Variants in AFAP1 observed in about 807,000 individuals in gnomAD.
The protein encoded by AFAP1 is actin filament-associated protein 1.
Under a neutral mutation model 93.9 loss-of-function variants are expected in AFAP1, and 75 were observed. That is an observed-to-expected ratio of 0.80 (90% CI 0.66 to 0.97). AFAP1 has a LOEUF of 0.97. Among genes scored for constraint, AFAP1 ranks in the 50% least tolerant of loss-of-function variants. The probability of loss-of-function intolerance (pLI) is 0.00; values close to 1 mark genes in which losing one functional copy is unlikely to be tolerated. For missense variants in AFAP1, 1,201 were observed against 1,050.8 expected, an observed-to-expected ratio of 1.14 and a Z score of -1.98; for synonymous variants, 517 against 430.7, an observed-to-expected ratio of 1.20 and a Z score of -2.48.
intron 17 of AFAP1, among the ~76,000 whole-genome samples, chr4:7,765,666 G>A (rs1281444255): frequency 6.6e-6 from 1 of 152,246 alleles, no homozygotes; most frequent in Non-Finnish European, 1.5e-5. Context: ...CCAGGTCAGA[G>A]CAGCGGCAGA....
At chr4:7,918,925 G>T (rs57082038) in intron 1 of AFAP1, among the ~76,000 whole-genome samples, 1 of 71,906 alleles carries the variant, frequency 1.4e-5, no homozygotes. Flanking sequence ...CAGGGCTGCC[G>T]GATGAGACAC....
chr4:7,906,162 G>A (rs1404186338), intron 1 of AFAP1, among the ~76,000 whole-genome samples: 1 of 152,118 alleles, frequency 6.6e-6, no homozygotes, highest in Admixed American at 6.5e-5. Flanking sequence ...GTGACCTATC[G>A]AGAAAGAAAC....
At chr4:7,813,672 G>A (rs1305193978) in intron 8 of AFAP1, among the ~76,000 whole-genome samples, 2 of 152,192 alleles carry the variant, frequency 1.3e-5, no homozygotes, top group Admixed American at 6.5e-5. Flanking sequence ...CATAATGTGT[G>A]CCCTGTGGAA....
chr4:7,935,862 C>G (rs571358293), intron 1 of AFAP1, among the ~76,000 whole-genome samples: 1 of 152,278 alleles, frequency 6.6e-6, no homozygotes, highest in African/African-American at 2.4e-5. Flanking sequence ...GCATCCCCTC[C>G]CTTTCATTTA....
intron 1 of AFAP1, among the ~76,000 whole-genome samples, chr4:7,933,461 T>C (rs940726374): frequency 6.6e-6 from 1 of 152,094 alleles, no homozygotes; most frequent in Admixed American, 6.6e-5. Context: ...TAATCCCAGC[T>C]ACTCAGGAGG....
At chr4:7,934,278 C>T (rs1232026721) in intron 1 of AFAP1, among the ~76,000 whole-genome samples, 1 of 152,208 alleles carries the variant, frequency 6.6e-6, no homozygotes, top group Non-Finnish European at 1.5e-5. Context: ...GCTCCAGATG[C>T]CCCGAGGGAG....
chr4:7,776,598 C>T (rs1287919699), intron 14 of AFAP1: 1 of 152,120 alleles, frequency 6.6e-6, no homozygotes, highest in African/African-American at 2.4e-5. Flanking sequence ...CCAATTCTTG[C>T]AACGTAAGTT....
At position 7,838,659 on chromosome 4, in the gene AFAP1, T is replaced by C. The variant is rs765843389; in HGVS notation, c.591A>G (p.Pro197=). ...TGTACGTAATGTTACAGCCTTGGAGTGGCAGTTCCATCTGAGGCTGCTGGT... is the reference window on the plus strand; with the variant it reads ...TGTACGTAATGTTACAGCCTTGGAGCGGCAGTTCCATCTGAGGCTGCTGGT... ...SKDQQPQMEL[P]LQGCNITYIP... is the part of the protein sequence containing the mutation. Residue 197 remains proline, a synonymous_variant, in exon 6 of 18, where the codon CCA becomes CCG. Transcript: ENST00000420658. 6.2e-7 allele frequency: 1 copy of C among 1,614,004 alleles called. No homozygotes were observed. The highest frequency in any genetic ancestry group is 8.5e-7 in the Non-Finnish European group (1 of 1,179,990).
In AFAP1 at chr4:7,939,748, AAC is replaced by A; in HGVS notation, c.-97_-96del. On this transcript the variant is annotated 5_prime_UTR_variant, in exon 1 of 18. Transcript: ENST00000420658. This position sits in a 1 kb window ranked among gnomAD's most constrained non-coding sequence, Gnocchi z 5.6. The stretch of plus-strand genomic sequence containing the variant: ...CAGCCGACAGAGCCGCAGCCGCCTT[AAC>A]AATGGAGCCCCGGGGCGGGGCCGCC... 1 of 408,252 alleles carries A rather than the reference AAC, an allele frequency of 2.4e-6. No homozygotes were observed. 25.3% of individuals were successfully genotyped at this position (408,252 alleles called of 1,614,324 possible). A position where few individuals can be genotyped will look rare whatever the true frequency, so the allele number is the denominator to read the frequency against.
At chr4:7,873,342 C>CTTTTTTTTTT (rs1158765422) in intron 1 of AFAP1, among the ~76,000 whole-genome samples, 1 of 50,998 alleles carries the variant, frequency 2.0e-5, no homozygotes, top group African/African-American at 7.2e-5. Context: ...GAAGACACAC[C>CTTTTTTTTTT]TTTTTTTTTT....
intron 3 of AFAP1, among the ~76,000 whole-genome samples, chr4:7,861,744 A>T (rs1715727173): frequency 6.6e-6 from 1 of 152,274 alleles, no homozygotes; most frequent in Non-Finnish European, 1.5e-5. Context: ...TGCCACTGGG[A>T]TTATACATGA....
chr4:7,866,198 GTTTT>G (rs999526802), intron 3 of AFAP1, among the ~76,000 whole-genome samples: 1 of 128,902 alleles, frequency 7.8e-6, no homozygotes, highest in Non-Finnish European at 1.6e-5. Flanking sequence ...CGCCCAGCAG[GTTTT>G]TTGTTTTTTT....
intron 4 of AFAP1, among the ~76,000 whole-genome samples, chr4:7,846,739 C>G (rs1236880090): frequency 2.0e-5 from 3 of 152,160 alleles, no homozygotes; most frequent in Admixed American, 2.0e-4. Flanking sequence ...AAAAGCCGGG[C>G]CTGCTCCAAA....
chr4:7,892,031 G>A (rs565881892), intron 1 of AFAP1, among the ~76,000 whole-genome samples: 2 of 152,208 alleles, frequency 1.3e-5, no homozygotes, highest in South Asian at 4.1e-4. Flanking sequence ...TCCAGCCTGG[G>A]CAGCAAGAAC....
chr4:7,926,191 G>A (rs1206291093), intron 1 of AFAP1, among the ~76,000 whole-genome samples: 1 of 152,144 alleles, frequency 6.6e-6, no homozygotes, highest in Non-Finnish European at 1.5e-5. Flanking sequence ...GGTACACATG[G>A]CTTCTAATGC....
At chr4:7,825,653 TTATC>T (rs1721357871) in intron 6 of AFAP1, among the ~76,000 whole-genome samples, 2 of 152,126 alleles carry the variant, frequency 1.3e-5, no homozygotes, top group African/African-American at 4.8e-5. Context: ...AAAAACTCAA[TTATC>T]TAAGTGTACG....
chr4:7,869,566 AC>A (rs1245229692), intron 2 of AFAP1, among the ~76,000 whole-genome samples: 1 of 152,246 alleles, frequency 6.6e-6, no homozygotes, highest in East Asian at 1.9e-4. Context: ...ACAACAAACT[AC>A]TAGGAAAGGT....
intron 14 of AFAP1, chr4:7,775,675 C>T (rs961124229): frequency 3.3e-5 from 5 of 152,188 alleles, no homozygotes; most frequent in African/African-American, 1.2e-4. Flanking sequence ...TATCTGGAGC[C>T]TGACTGTCTA....
chr4:7,884,503 C>T (rs1718032858), intron 1 of AFAP1, among the ~76,000 whole-genome samples: 1 of 133,786 alleles, frequency 7.5e-6, no homozygotes, highest in Non-Finnish European at 1.8e-5. Flanking sequence ...CCATTTGATA[C>T]TAACATATTT....
Sources: gnomAD v4.1 joint callset for allele counts (sites outside exome capture counted in the v4.1 genomes callset) on GRCh38, gnomAD v4.1.1 for gene constraint, Gnocchi (gnomAD v3.1) non-coding constraint, MANE v1.5 for transcripts, NCBI Gene and HGNC (gene_info 2026-07-23, HGNC 2026-07-21) for gene names.